The following TCF4 variants were observed in gnomAD, a reference collection of about 807,000 sequenced individuals.
TCF4 encodes the protein transcription factor 4, also known as SL3-3 enhancer factor 2.
A neutral mutation model predicts 82.1 loss-of-function variants in TCF4; 3 were observed. The observed-to-expected ratio is 0.04, with a 90% CI of 0.02 to 0.09. The LOEUF (loss-of-function observed/expected upper bound fraction) is 0.09, where lower values mean the gene tolerates loss of function less well. Ranked by LOEUF, TCF4 falls within the 10% of genes least tolerant of loss-of-function variation. The pLI is 1.00. For synonymous variants in TCF4, 276 were observed against 309.6 expected (o/e 0.89, Z 1.14); for missense variants, 518 against 852.7 (o/e 0.61, Z 4.89).
intron 5 of TCF4, among the ~76,000 whole-genome samples, chr18:55,416,458 T>A (rs2094528471): frequency 6.6e-6 from 1 of 152,192 alleles, no homozygotes; most frequent in South Asian, 2.1e-4. Flanking sequence ...ATCATTTCAC[T>A]TGATCTTAGC....
In TCF4 at chr18:55,518,681, G is replaced by A. The variant is rs549947076; in HGVS notation, c.146-54544C>T. 1.4e-4 allele frequency among the ~76,000 whole-genome samples: 21 copies of A among 152,240 alleles called. 1 individual carries two copies. The South Asian group carries it at 2.5e-3, about 18-fold the overall frequency. The stretch of plus-strand genomic sequence containing the variant: ...TAACCCAGAAATATGAAAATTGTGT[G>A]AATATATACGAAGGGACACAGACAA... On this transcript the variant is annotated intron_variant, in intron 3 of 19. Transcript: ENST00000354452.
intron 3 of TCF4, among the ~76,000 whole-genome samples, chr18:55,498,078 C>T (rs1340030273): frequency 6.6e-6 from 1 of 152,174 alleles, no homozygotes; most frequent in Non-Finnish European, 1.5e-5. Context: ...TGTTTCCTTC[C>T]CTGGGAGTCT....
chr18:55,548,779 C>T (rs1229533745), intron 3 of TCF4, among the ~76,000 whole-genome samples: 1 of 152,100 alleles, frequency 6.6e-6, no homozygotes, highest in Admixed American at 6.5e-5. Flanking sequence ...TGTATCTGAG[C>T]ATATCCAAAC....
intron 5 of TCF4, among the ~76,000 whole-genome samples, chr18:55,460,049 A>G (rs891184380): frequency 6.6e-6 from 1 of 152,178 alleles, no homozygotes; most frequent in African/African-American, 2.4e-5. Flanking sequence ...ATAGCTTCCA[A>G]AGCTTAAAAT....
At chr18:55,590,525 G>C (rs1439753302), upstream of TCF4, among the ~76,000 whole-genome samples, 2 of 152,146 alleles carry the variant, frequency 1.3e-5, no homozygotes, top group Non-Finnish European at 2.9e-5. Flanking sequence ...CCTGTTTTCT[G>C]GTCTGTGTAA....
intron 15 of TCF4, among the ~76,000 whole-genome samples, chr18:55,252,793 AT>A (rs2055632727): frequency 6.6e-6 from 1 of 152,212 alleles, no homozygotes; most frequent in African/African-American, 2.4e-5. Flanking sequence ...AGAAATGGTT[AT>A]AAGTCACAGA....
chr18:55,326,841 G>T (rs750306279), intron 8 of TCF4, among the ~76,000 whole-genome samples: 1 of 152,108 alleles, frequency 6.6e-6, no homozygotes, highest in Admixed American at 6.6e-5. Flanking sequence ...CATATATATG[G>T]AATGTTATAA....
chr18:55,593,002 T>C (rs2097687239), upstream of TCF4, among the ~76,000 whole-genome samples: 1 of 152,254 alleles, frequency 6.6e-6, no homozygotes, highest in East Asian at 1.9e-4. Flanking sequence ...TAAGTACTTT[T>C]CTGATCCTTA....
In TCF4 at chr18:55,463,948, C is replaced by CTGTGTGTGTG. The variant is rs151196106; in HGVS notation, c.207+118_207+127dup. ...TGTGTGCGTGTGCATGCCCATGCCT[C>CTGTGTGTGTG]TGTGTGTGTGTGTGTGTGTGTGTGT... On this transcript the variant is annotated intron_variant, in intron 4 of 19. Transcript: ENST00000354452. The CTGTGTGTGTG allele has an allele frequency of 2.9e-4, 207 of 702,360 alleles. 1 individual carries two copies. The East Asian group carries it at 3.7e-3, about 13-fold the overall frequency. The allele number at this position is 702,360 out of a possible 1,614,324, so 43.5% of individuals were successfully genotyped here.
chr18:55,530,965 T>A (rs1041186945), intron 3 of TCF4, among the ~76,000 whole-genome samples: 1 of 151,962 alleles, frequency 6.6e-6, no homozygotes, highest in African/African-American at 2.4e-5. Context: ...TTTTTTTTTT[T>A]AATTGAGACG....
At chr18:55,239,980 T>C (rs1313842187) in intron 15 of TCF4, among the ~76,000 whole-genome samples, 1 of 152,214 alleles carries the variant, frequency 6.6e-6, no homozygotes, top group Non-Finnish European at 1.5e-5. Flanking sequence ...GTTAATGTTA[T>C]CTCCAGAGAT....
chr18:55,394,687 A>G (rs2093383833), intron 6 of TCF4, among the ~76,000 whole-genome samples: 1 of 152,214 alleles, frequency 6.6e-6, no homozygotes. Context: ...TGCTAAGGCA[A>G]ATGCAAAGAA....
intron 8 of TCF4, among the ~76,000 whole-genome samples, chr18:55,343,913 T>A (rs2080583573): frequency 6.6e-6 from 1 of 152,094 alleles, no homozygotes; most frequent in African/African-American, 2.4e-5. Context: ...AGGCTGAAAA[T>A]CCTGTGCTAT....
rs2097646645 is a variant in TCF4, at chr18:55,586,158, GCAGCAGCAGC to G, written c.73-816_73-807del. Reference sequence around the variant, plus strand: ...AGAAGGAGGAGGAGGAGGAGGAGCAGCAGCAGCAGCAGCAGCAGCAGCAGCAGCAGCAGCA... The same window carrying G: ...AGAAGGAGGAGGAGGAGGAGGAGCAGAGCAGCAGCAGCAGCAGCAGCAGCA... On this transcript the variant is annotated intron_variant, in intron 2 of 19. Transcript: ENST00000354452. 220 of 119,140 alleles carry G rather than the reference GCAGCAGCAGC, an allele frequency of 1.8e-3. 1 individual carries two copies. The African/African-American group carries it at 0.032, about 17-fold the overall frequency. The allele number at this position is 119,140 out of a possible 1,614,324, so 7.4% of individuals were successfully genotyped here. A position where few individuals can be genotyped will look rare whatever the true frequency, so the allele number is the denominator to read the frequency against.
At chr18:55,620,264 T>C (rs1238847) in intron 2 of TCF4, among the ~76,000 whole-genome samples, 152,071 of 152,308 alleles carry the variant, frequency 1, 75,918 homozygotes, top group Middle Eastern at 1. Context: ...GTGTGAAATG[T>C]TCTAATACAA....
rs1230281697 is a variant in TCF4, at chr18:55,399,876, TCTCTCACACACA to T, written c.369+3566_369+3577del. ...CCATCTCTCTCTCTCTCTCTCTCTC[TCTCTCACACACA>T]CACACACACACACACACACACACAC... is the stretch of plus-strand genomic sequence containing the variant. On this transcript the variant is annotated intron_variant, in intron 6 of 19. Coordinates refer to ENST00000354452, the MANE Select transcript of TCF4 (RefSeq NM_001083962.2). Among the ~76,000 whole-genome samples the T allele has an allele frequency of 3.4e-3, 400 of 118,520 alleles. 1 individual carries two copies. The highest frequency in any genetic ancestry group is 0.014 in the Middle Eastern group (3 of 216). 77.8% of individuals were successfully genotyped at this position (118,520 alleles called of 152,430 possible). A position where few individuals can be genotyped will look rare whatever the true frequency, so the allele number is the denominator to read the frequency against.
At chr18:55,450,548 T>C (rs999294279) in intron 5 of TCF4, among the ~76,000 whole-genome samples, 37 of 152,288 alleles carry the variant, frequency 2.4e-4, no homozygotes, top group South Asian at 1.9e-3. Context: ...AAACAAAACA[T>C]GTTTCCTTCG....
At chr18:55,258,744 T>C (rs140209243) in intron 13 of TCF4, among the ~76,000 whole-genome samples, 1 of 152,326 alleles carries the variant, frequency 6.6e-6, no homozygotes, top group African/African-American at 2.4e-5. Flanking sequence ...CTCTATCCCT[T>C]GTTGTATCTC....
chr18:55,291,840 G>A (rs568407918), intron 8 of TCF4, among the ~76,000 whole-genome samples: 24 of 152,204 alleles, frequency 1.6e-4, no homozygotes, highest in African/African-American at 4.8e-4. Flanking sequence ...AAATTAGAAG[G>A]GCAGAATTTT....
Sources: allele counts gnomAD v4.1 joint callset (sites outside exome capture counted in the v4.1 genomes callset), GRCh38; gene constraint gnomAD v4.1.1; transcripts MANE v1.5; gene names NCBI Gene and HGNC (gene_info 2026-07-23, HGNC 2026-07-21).